FOXP2: variants seen among roughly 807,000 people sequenced by gnomAD.
The protein encoded by FOXP2 is forkhead box P2.
Under a neutral mutation model 115.8 loss-of-function variants are expected in FOXP2, and 12 were observed. The observed-to-expected ratio is 0.10, with a 90% CI of 0.07 to 0.17. The LOEUF is 0.17. FOXP2 is among the 10% of genes least tolerant of loss of function. The probability of loss-of-function intolerance (pLI) is 1.00; values close to 1 mark genes in which losing one functional copy is unlikely to be tolerated. For missense variants in FOXP2, 629 were observed against 843.5 expected (o/e 0.75, Z 3.15); for synonymous variants, 328 against 297.7 (o/e 1.10, Z -1.05).
At chr7:114,245,130 T>G (rs1795249195) in intron 1 of FOXP2, among the ~76,000 whole-genome samples, 1 of 152,208 alleles carries the variant, frequency 6.6e-6, no homozygotes, top group Admixed American at 6.5e-5. Context: ...TACTTTTTCA[T>G]TATGGATTAT....
intron 1 of FOXP2, among the ~76,000 whole-genome samples, chr7:114,144,071 CA>C (rs1025250404): frequency 3.4e-4 from 51 of 152,146 alleles, no homozygotes; most frequent in Admixed American, 2.9e-3. Flanking sequence ...AAAACAGACT[CA>C]GGGTTAGATG....
chr7:114,260,379 T>C (rs944311233), intron 1 of FOXP2, among the ~76,000 whole-genome samples: 19 of 152,144 alleles, frequency 1.2e-4, no homozygotes, highest in African/African-American at 3.9e-4. Context: ...GTATGCCAAC[T>C]GAAAAATACA....
At chr7:114,312,991 T>TC (rs1172507317) in intron 2 of FOXP2, among the ~76,000 whole-genome samples, 1 of 152,204 alleles carries the variant, frequency 6.6e-6, no homozygotes, top group Admixed American at 6.5e-5. Context: ...GAGTTGCACT[T>TC]CCTGCCTCTG....
chr7:114,660,756 G>A (rs1585004117), intron 13 of FOXP2, among the ~76,000 whole-genome samples: 1 of 152,058 alleles, frequency 6.6e-6, no homozygotes, highest in Non-Finnish European at 1.5e-5. Context: ...TTATGTTGAA[G>A]ATTTACATTT....
intron 7 of FOXP2, among the ~76,000 whole-genome samples, chr7:114,643,247 T>TGA (rs1354109502): frequency 6.6e-6 from 1 of 152,198 alleles, no homozygotes; most frequent in Non-Finnish European, 1.5e-5. Context: ...ATGACTGATA[T>TGA]GATTAACCTG....
chr7:114,268,784 A>G (rs908957004), intron 1 of FOXP2, among the ~76,000 whole-genome samples: 1 of 151,992 alleles, frequency 6.6e-6, no homozygotes, highest in Non-Finnish European at 1.5e-5. Flanking sequence ...ATAGATTAGT[A>G]ACACTAAATT....
intron 1 of FOXP2, among the ~76,000 whole-genome samples, chr7:114,099,557 A>T (rs1019016073): frequency 6.6e-6 from 1 of 152,188 alleles, no homozygotes; most frequent in East Asian, 1.9e-4. Flanking sequence ...CCCCATAAAG[A>T]TATCTGTACT....
chr7:114,413,658 TTTGCTGTAA>T (rs1793228055), upstream of FOXP2, among the ~76,000 whole-genome samples: 1 of 152,180 alleles, frequency 6.6e-6, no homozygotes, highest in Admixed American at 6.6e-5. Context: ...AAATGTGAAA[TTTGCTGTAA>T]TTACTTACCC....
intron 2 of FOXP2, among the ~76,000 whole-genome samples, chr7:114,399,944 C>T (rs1792842809): frequency 1.9e-5 from 1 of 51,338 alleles, no homozygotes; most frequent in African/African-American, 1.6e-4. Flanking sequence ...GCAACCTCCG[C>T]CCCCCGAGTT....
At chr7:114,313,858 C>T (rs916311032) in intron 2 of FOXP2, among the ~76,000 whole-genome samples, 6 of 151,680 alleles carry the variant, frequency 4.0e-5, no homozygotes, top group African/African-American at 7.3e-5. Flanking sequence ...ATCACCTGTA[C>T]GTATTATGTT....
intron 1 of FOXP2, among the ~76,000 whole-genome samples, chr7:114,106,226 AT>A (rs1430623071): frequency 6.6e-6 from 1 of 152,044 alleles, no homozygotes; most frequent in Middle Eastern, 3.2e-3. Context: ...AAATAACTAT[AT>A]TGTAGTATTT....
intron 2 of FOXP2, among the ~76,000 whole-genome samples, chr7:114,326,854 T>C (rs1174793543): frequency 1.3e-5 from 2 of 152,224 alleles, no homozygotes; most frequent in African/African-American, 2.4e-5. Flanking sequence ...ATAGGATACA[T>C]ATCTTTAATG....
At chr7:114,309,365 A>C (rs1014795374) in intron 2 of FOXP2, among the ~76,000 whole-genome samples, 13 of 152,172 alleles carry the variant, frequency 8.5e-5, no homozygotes, top group Non-Finnish European at 1.9e-4. Flanking sequence ...CTGTACCGCT[A>C]TACCAGTGCA....
intron 2 of FOXP2, among the ~76,000 whole-genome samples, chr7:114,360,143 A>G (rs1791711309): frequency 1.3e-5 from 2 of 152,116 alleles, no homozygotes; most frequent in South Asian, 2.1e-4. Context: ...AAATCTCACA[A>G]TATCTGATAG....
chr7:114,665,647 G>GGT (rs1420701752), intron 16 of FOXP2: 1 of 151,948 alleles, frequency 6.6e-6, no homozygotes, highest in African/African-American at 2.4e-5. Flanking sequence ...TGTTTTATCA[G>GGT]GTTCCGAACC....
chr7:114,281,828 AT>A (rs1162917422), intron 1 of FOXP2, among the ~76,000 whole-genome samples: 1 of 152,028 alleles, frequency 6.6e-6, no homozygotes, highest in African/African-American at 2.4e-5. Context: ...GTACAGTTTT[AT>A]TTCATCTCTA....
intron 1 of FOXP2, among the ~76,000 whole-genome samples, chr7:114,115,032 T>C (rs1791365395): frequency 6.6e-6 from 1 of 152,150 alleles, no homozygotes; most frequent in Admixed American, 6.5e-5. Context: ...AATCATTGGC[T>C]ACTAAGTGTC....
At chr7:114,630,373 TG>T (rs1661015912) in intron 5 of FOXP2, among the ~76,000 whole-genome samples, 1 of 152,160 alleles carries the variant, frequency 6.6e-6, no homozygotes, top group African/African-American at 2.4e-5. Context: ...TTTGGCCTAT[TG>T]TTGGGGATAG....
At chr7:114,621,533 C>T (rs1411979889) in intron 3 of FOXP2, among the ~76,000 whole-genome samples, 1 of 151,998 alleles carries the variant, frequency 6.6e-6, no homozygotes, top group Non-Finnish European at 1.5e-5. Context: ...AGTAAATCTA[C>T]CTCAGTTTTC....
Sources: gnomAD v4.1 joint callset for allele counts (sites outside exome capture counted in the v4.1 genomes callset) on GRCh38, gnomAD v4.1.1 for gene constraint, MANE v1.5 for transcripts, NCBI Gene and HGNC (gene_info 2026-07-23, HGNC 2026-07-21) for gene names.